RBFOX2: variants seen among roughly 807,000 people sequenced by gnomAD.
RBFOX2 encodes RNA binding protein fox-1 homolog 2.
Under a neutral mutation model 49.1 loss-of-function variants are expected in RBFOX2, and 10 were observed. The ratio of observed to expected loss-of-function variants is 0.20; its 90% CI spans 0.13 to 0.35. The LOEUF is 0.35. Among genes scored for constraint, RBFOX2 ranks in the 10% least tolerant of loss-of-function variants. RBFOX2 has a pLI of 1.00. For synonymous variants in RBFOX2, 183 were observed against 187.4 expected (o/e 0.98, Z 0.19); for missense variants, 323 against 486.9 (o/e 0.66, Z 3.17).
At chr22:35,961,431 A>T in intron 1 of RBFOX2, 2 of 918,912 alleles carry the variant, frequency 2.2e-6, no homozygotes, top group Non-Finnish European at 2.9e-6. Flanking sequence ...ATCAGGCATT[A>T]ATGCAGCTCA....
intron 1 of RBFOX2, among the ~76,000 whole-genome samples, chr22:35,970,433 A>T (rs955147003): frequency 6.6e-6 from 1 of 151,886 alleles, no homozygotes; most frequent in Non-Finnish European, 1.5e-5. Flanking sequence ...AGGACTGCTC[A>T]AGGTCAGGAG....
intron 1 of RBFOX2, among the ~76,000 whole-genome samples, chr22:35,923,001 A>C (rs2051196494): frequency 6.6e-6 from 1 of 152,308 alleles, no homozygotes; most frequent in East Asian, 1.9e-4. Flanking sequence ...CTGTCTTAGC[A>C]ATGACTTCCC....
chr22:35,998,181 T>C (rs1016414739), intron 1 of RBFOX2: 2 of 152,116 alleles, frequency 1.3e-5, no homozygotes, highest in African/African-American at 4.8e-5. Context: ...TTATATATAG[T>C]TTTATCTTTC....
chr22:35,931,874 C>G (rs912144836), intron 1 of RBFOX2, among the ~76,000 whole-genome samples: 2 of 152,148 alleles, frequency 1.3e-5, no homozygotes, highest in African/African-American at 4.8e-5. Context: ...TTAGTGGGTC[C>G]AGGAAAAATC....
At chr22:35,746,046 A>T (rs1039137521) in intron 10 of RBFOX2, 51 bp from the exon 13 acceptor site, 1 of 1,503,840 alleles carries the variant, frequency 6.6e-7, no homozygotes, top group Admixed American at 1.7e-5. Flanking sequence ...TATGATCTAA[A>T]AAAATTAAAG....
chr22:35,876,701 AACACACACACACACAC>A (rs142455818), intron 1 of RBFOX2, among the ~76,000 whole-genome samples: 13 of 140,456 alleles, frequency 9.3e-5, no homozygotes, highest in African/African-American at 1.3e-4. Context: ...CATTAAAAGA[AACACACACACACACAC>A]ACACACACAC....
At chr22:35,805,053 C>T (rs996109927) in intron 2 of RBFOX2, among the ~76,000 whole-genome samples, 4 of 151,750 alleles carry the variant, frequency 2.6e-5, no homozygotes, top group East Asian at 1.9e-4. Context: ...TTTGGGAGGC[C>T]GAGGCGGGCG....
chr22:35,764,290 A>T (rs972984073), intron 6 of RBFOX2, among the ~76,000 whole-genome samples: 1 of 152,070 alleles, frequency 6.6e-6, no homozygotes, highest in African/African-American at 2.4e-5. Flanking sequence ...CAAACTTTTT[A>T]AAAAAACAGC....
intron 1 of RBFOX2, among the ~76,000 whole-genome samples, chr22:35,813,096 T>A (rs1036168327): frequency 6.6e-6 from 1 of 152,224 alleles, no homozygotes; most frequent in Non-Finnish European, 1.5e-5. Flanking sequence ...ATTATTTTGT[T>A]ACTTACAGAA....
At chr22:35,949,610 CTCAT>C (rs1178132800) in intron 1 of RBFOX2, among the ~76,000 whole-genome samples, 1 of 152,104 alleles carries the variant, frequency 6.6e-6, no homozygotes, top group Non-Finnish European at 1.5e-5. Context: ...GAAGTGTTAT[CTCAT>C]TGTTTTGATT....
intron 1 of RBFOX2, among the ~76,000 whole-genome samples, chr22:36,016,385 T>TC (rs1404442749): frequency 1.3e-5 from 2 of 151,492 alleles, no homozygotes; most frequent in East Asian, 3.9e-4. Flanking sequence ...GCTAGGAGAG[T>TC]CCCACGGCCA....
At chr22:35,750,249 T>C (rs1271049187) in intron 9 of RBFOX2, among the ~76,000 whole-genome samples, 1 of 152,150 alleles carries the variant, frequency 6.6e-6, no homozygotes, top group African/African-American at 2.4e-5. Flanking sequence ...ATGTTAACAT[T>C]TCTTCAGCTG....
chr22:35,775,854 A>AAAAAAAAAC, intron 4 of RBFOX2, among the ~76,000 whole-genome samples: 1 of 151,186 alleles, frequency 6.6e-6, no homozygotes, highest in African/African-American at 2.4e-5. Context: ...AAAAAAAAAA[A>AAAAAAAAAC]AAAAAAAGAA....
chr22:35,863,530 G>GC (rs2043332443), intron 1 of RBFOX2, among the ~76,000 whole-genome samples: 1 of 152,102 alleles, frequency 6.6e-6, no homozygotes, highest in Admixed American at 6.5e-5. Context: ...CTATGCTCAT[G>GC]CCTTACAGAT....
exon 12 of RBFOX2, chr22:35,739,486 G>A (rs532676873): frequency 6.6e-6 from 1 of 152,402 alleles, no homozygotes; most frequent in South Asian, 2.1e-4. Flanking sequence ...TATCCCTTAG[G>A]GAAAAAAGAG....
intron 5 of RBFOX2, among the ~76,000 whole-genome samples, chr22:35,766,482 A>C (rs1568996427): frequency 6.6e-6 from 1 of 152,150 alleles, no homozygotes; most frequent in Non-Finnish European, 1.5e-5. Flanking sequence ...TAGAATTAGA[A>C]CTAAAAAAAA....
chr22:35,904,400 T>C (rs776461405), intron 1 of RBFOX2, among the ~76,000 whole-genome samples: 2 of 152,242 alleles, frequency 1.3e-5, no homozygotes, highest in Non-Finnish European at 2.9e-5. Flanking sequence ...AAACGCTTTA[T>C]CCTTTGACTT....
intron 1 of RBFOX2, chr22:35,840,072 T>A: frequency 1.5e-6 from 2 of 1,331,962 alleles, no homozygotes; most frequent in Non-Finnish European, 2.1e-6. Flanking sequence ...TAACAATAAA[T>A]CTGGTCTGTT....
chr22:35,870,743 T>C (rs180878896), intron 1 of RBFOX2, among the ~76,000 whole-genome samples: 667 of 152,274 alleles, frequency 4.4e-3, no homozygotes, highest in Non-Finnish European at 7.7e-3. Context: ...CAGGATCTGT[T>C]TGGAGACAAC....
Sources: allele counts gnomAD v4.1 joint callset (sites outside exome capture counted in the v4.1 genomes callset), GRCh38; gene constraint gnomAD v4.1.1; transcripts MANE v1.5; gene names NCBI Gene and HGNC (gene_info 2026-07-23, HGNC 2026-07-21).